RPRD1B: variants seen among roughly 807,000 people sequenced by gnomAD.
RPRD1B encodes the protein regulation of nuclear pre-mRNA domain containing 1B.
RPRD1B carries 11 observed loss-of-function variants against 41.5 expected under a neutral mutation model. The ratio of observed to expected loss-of-function variants is 0.27; its 90% CI spans 0.17 to 0.44. The LOEUF (loss-of-function observed/expected upper bound fraction) is 0.44, where lower values mean the gene tolerates loss of function less well. Among genes scored for constraint, RPRD1B ranks in the 20% least tolerant of loss-of-function variants. RPRD1B has a pLI of 1.00. For missense variants in RPRD1B, 248 were observed against 389.9 expected, an observed-to-expected ratio of 0.64 and a Z score of 3.06; for synonymous variants, 158 against 155.6, an observed-to-expected ratio of 1.02 and a Z score of -0.12.
At chr20:38,034,619 A>G (rs796854024) in intron 1 of RPRD1B, among the ~76,000 whole-genome samples, 3 of 152,310 alleles carry the variant, frequency 2.0e-5, no homozygotes, top group African/African-American at 7.2e-5. Context: ...CATACCAGTC[A>G]CTATACTAAG....
chr20:38,080,462 T>G (rs1244723070), intron 6 of RPRD1B, among the ~76,000 whole-genome samples: 1 of 152,256 alleles, frequency 6.6e-6, no homozygotes, highest in Non-Finnish European at 1.5e-5. Context: ...GAGAATACTT[T>G]CCCCATTGCT....
chr20:38,034,785 A>G (rs1382753894), intron 1 of RPRD1B, among the ~76,000 whole-genome samples: 2 of 151,560 alleles, frequency 1.3e-5, no homozygotes, highest in Admixed American at 1.3e-4. Flanking sequence ...TCAGGTTCTG[A>G]CAGACAATTC....
intron 6 of RPRD1B, among the ~76,000 whole-genome samples, chr20:38,070,932 A>G (rs2074407117): frequency 6.6e-6 from 1 of 152,116 alleles, no homozygotes; most frequent in Non-Finnish European, 1.5e-5. Context: ...GGGTTTTGCC[A>G]TGTTGGGCAG....
chr20:38,048,254 C>A, intron 2 of RPRD1B, 94 bp from the exon 3 acceptor site: 1 of 1,261,726 alleles, frequency 7.9e-7, no homozygotes, highest in Non-Finnish European at 1.1e-6. Context: ...ATCATTTAGT[C>A]AGTTGTTGAT....
At chr20:38,052,799 A>G (rs2122714331) in intron 3 of RPRD1B, among the ~76,000 whole-genome samples, 2 of 133,610 alleles carry the variant, frequency 1.5e-5, no homozygotes, top group East Asian at 2.2e-4. Context: ...GAAAATTTCA[A>G]GTGGATCCTC....
intron 6 of RPRD1B, among the ~76,000 whole-genome samples, chr20:38,077,755 C>G (rs775445276): frequency 3.3e-5 from 5 of 152,226 alleles, no homozygotes; most frequent in Non-Finnish European, 7.3e-5. Flanking sequence ...TCATCTACAT[C>G]TGCTCTTAGG....
chr20:38,038,959 T>C (rs2074035119), intron 1 of RPRD1B, among the ~76,000 whole-genome samples: 1 of 152,246 alleles, frequency 6.6e-6, no homozygotes, highest in Non-Finnish European at 1.5e-5. Context: ...ACTTTAGCAT[T>C]GGAGAAAACT....
intron 2 of RPRD1B, among the ~76,000 whole-genome samples, chr20:38,043,837 T>C (rs1470409004): frequency 3.3e-5 from 5 of 152,152 alleles, no homozygotes; most frequent in Non-Finnish European, 7.4e-5. Flanking sequence ...AAAGATTTGG[T>C]GGAGGAAATC....
At chr20:38,061,331 C>T (rs2074295097) in intron 5 of RPRD1B, among the ~76,000 whole-genome samples, 3 of 152,272 alleles carry the variant, frequency 2.0e-5, no homozygotes, top group East Asian at 3.9e-4. Context: ...TTAAATTTAG[C>T]TTTTTGTCTG....
In RPRD1B at chr20:38,090,992, G is replaced by T. The variant is rs1018154479; in HGVS notation, c.*1117G>T. 2.0e-6 allele frequency: 2 copies of T among 985,576 alleles called. No individual in the cohort carries two copies. The highest frequency in any genetic ancestry group is 2.4e-6 in the Non-Finnish European group (2 of 829,932). The allele number at this position is 985,576 out of a possible 1,614,324, so 61.1% of individuals were successfully genotyped here. A position where few individuals can be genotyped will look rare whatever the true frequency, so the allele number is the denominator to read the frequency against. On this transcript the variant is annotated 3_prime_UTR_variant, in exon 7 of 7. Transcript: ENST00000373433. Reference sequence around the variant, plus strand: ...TCGTCTCGGGCAGGGGAAGCGGGGAGTTGGGGATATTAATTGGGGGTTTTA... The same window carrying T: ...TCGTCTCGGGCAGGGGAAGCGGGGATTTGGGGATATTAATTGGGGGTTTTA...
intron 6 of RPRD1B, among the ~76,000 whole-genome samples, chr20:38,066,713 C>T (rs950302669): frequency 1.3e-4 from 19 of 151,912 alleles, no homozygotes; most frequent in African/African-American, 3.6e-4. Context: ...TGGAGTGCAG[C>T]GGTGCGATCT....
At chr20:38,053,792 T>A (rs1054929980) in intron 3 of RPRD1B, among the ~76,000 whole-genome samples, 8 of 152,220 alleles carry the variant, frequency 5.3e-5, no homozygotes, top group African/African-American at 1.2e-4. Flanking sequence ...ATTTTAAAAA[T>A]GAAATGGTGT....
At chr20:38,074,928 G>GTC (rs2074444730) in intron 6 of RPRD1B, among the ~76,000 whole-genome samples, 3 of 152,082 alleles carry the variant, frequency 2.0e-5, no homozygotes, top group Non-Finnish European at 4.4e-5. Flanking sequence ...ATAATTTTCT[G>GTC]TCATGCTTTT....
rs143415231 is a variant in RPRD1B at position 38,086,073 on chromosome 20, C to G, written c.832-3653C>G. Among the ~76,000 whole-genome samples the G allele has an allele frequency of 8.3e-3, 1,266 of 152,080 alleles. 10 individuals are homozygous for G. Among genetic ancestry groups the G allele is most frequent in the African/African-American group, 0.025 (1,038 of 41,498 alleles). ...CAAGTGATCCACCTGCCTCAGCCTC[C>G]CAAAGTGTTGGGATTACAGGCGTGA... is the stretch of plus-strand genomic sequence containing the variant. On this transcript the variant is annotated intron_variant, in intron 6 of 6. Transcript: ENST00000373433.
chr20:38,070,594 C>A, intron 6 of RPRD1B: 1 of 985,224 alleles, frequency 1.0e-6, no homozygotes, highest in Non-Finnish European at 1.2e-6. Flanking sequence ...GTCTTGTCAG[C>A]GTGAATAAAG....
intron 6 of RPRD1B, among the ~76,000 whole-genome samples, chr20:38,088,091 T>C (rs969790328): frequency 1.3e-5 from 2 of 152,194 alleles, no homozygotes; most frequent in African/African-American, 4.8e-5. Context: ...CTCTCTACCC[T>C]TTTCTCTTCC....
intron 6 of RPRD1B, among the ~76,000 whole-genome samples, chr20:38,086,890 G>A (rs1461969403): frequency 1.3e-5 from 2 of 152,006 alleles, no homozygotes; most frequent in South Asian, 2.1e-4. Context: ...GGAATCCCCC[G>A]TACCCCACCC....
intron 5 of RPRD1B, among the ~76,000 whole-genome samples, chr20:38,060,927 A>C (rs1375106128): frequency 6.6e-6 from 1 of 151,968 alleles, no homozygotes; most frequent in Non-Finnish European, 1.5e-5. Flanking sequence ...AAAATCCCTA[A>C]ACAGGTTAAA....
Position 38,091,357 on chromosome 20 carries a change from C to T in RPRD1B, c.*1482C>T, listed in dbSNP as rs188201581. The T allele has an allele frequency of 2.0e-6, 2 of 985,484 alleles. No homozygotes were observed. Among genetic ancestry groups the T allele is most frequent in the East Asian group, 1.1e-4 (1 of 8,808 alleles). The allele number at this position is 985,484 out of a possible 1,614,324, so 61.0% of individuals were successfully genotyped here. On this transcript the variant is annotated 3_prime_UTR_variant, in exon 7 of 7. Transcript: ENST00000373433. ...ACCTATGTTTATAAAGCATAACGGG[C>T]TTCCCTTCCAGAAGCTCTCCTGCTT...
Sources: gnomAD v4.1 joint callset for allele counts (sites outside exome capture counted in the v4.1 genomes callset) on GRCh38, gnomAD v4.1.1 for gene constraint, MANE v1.5 for transcripts, NCBI Gene and HGNC (gene_info 2026-07-23, HGNC 2026-07-21) for gene names.